Variants in PPIP5K2 observed in about 807,000 individuals in gnomAD.
PPIP5K2 encodes diphosphoinositol pentakisphosphate kinase 2, also known as inositol hexakisphosphate and diphosphoinositol-pentakisphosphate kinase 2.
Under a neutral mutation model 154.6 loss-of-function variants are expected in PPIP5K2, and 105 were observed. That is an observed-to-expected ratio of 0.68 (90% CI 0.58 to 0.80). The LOEUF is 0.80. Ranked by LOEUF, PPIP5K2 falls within the 30% of genes least tolerant of loss-of-function variation. The probability of loss-of-function intolerance (pLI) is 0.00; values close to 1 mark genes in which losing one functional copy is unlikely to be tolerated. For synonymous variants in PPIP5K2, 480 were observed against 490.3 expected, an observed-to-expected ratio of 0.98 and a Z score of 0.28; for missense variants, 992 against 1,504.6, an observed-to-expected ratio of 0.66 and a Z score of 5.64.
intron 19 of PPIP5K2, among the ~76,000 whole-genome samples, 184 bp downstream of exon 19, chr5:103,168,479 T>C (rs1202007581): frequency 6.6e-6 from 1 of 151,918 alleles, no homozygotes; most frequent in Non-Finnish European, 1.5e-5. Flanking sequence ...CATTATTTGA[T>C]TTTCTAATAG....
rs1802975649 is a variant in PPIP5K2 at position 103,201,426 on chromosome 5, CAAG to C, written c.3620-93_3620-91del. 5 of 687,348 alleles carry C rather than the reference CAAG, an allele frequency of 7.3e-6. No individual in the cohort carries two copies. The South Asian group carries it at 9.2e-5, about 13-fold the overall frequency. The allele number at this position is 687,348 out of a possible 1,614,324, so 42.6% of individuals were successfully genotyped here. A position where few individuals can be genotyped will look rare whatever the true frequency, so the allele number is the denominator to read the frequency against. ...CATTTCATTTACATCACAATTATAA[CAAG>C]AATTGTTTTGTCAATCAGCAGTATT... On this transcript the variant is annotated intron_variant, in intron 30 of 30. Transcript: ENST00000358359.
In PPIP5K2 at chr5:103,146,507, C is replaced by G. The variant is rs1793785245; in HGVS notation, c.488-20C>G. On this transcript the variant is annotated intron_variant, in intron 5 of 30. Transcript: ENST00000358359. ...TAATAAGAATATGTGATATTTCTTGCAATCGTGTTTGTTTTATAGAATGTA... is the reference window on the plus strand; with the variant it reads ...TAATAAGAATATGTGATATTTCTTGGAATCGTGTTTGTTTTATAGAATGTA... 1.2e-6 allele frequency: 2 copies of G among 1,601,234 alleles called. No homozygotes were observed. Among genetic ancestry groups the G allele is most frequent in the Admixed American group, 1.7e-5 (1 of 58,780 alleles).
intron 2 of PPIP5K2, among the ~76,000 whole-genome samples, chr5:103,130,614 C>T (rs111341632): frequency 7.2e-5 from 11 of 152,268 alleles, no homozygotes; most frequent in African/African-American, 1.2e-4. Flanking sequence ...AAACCTTCAA[C>T]GCAGAGCACC....
chr5:103,141,729 G>C (rs1792705419), intron 5 of PPIP5K2, among the ~76,000 whole-genome samples: 1 of 152,126 alleles, frequency 6.6e-6, no homozygotes, highest in Admixed American at 6.5e-5. Context: ...AACACAGGGT[G>C]CTGATTGGTG....
rs1294149063 is a variant in PPIP5K2, at chr5:103,209,236, A to G, written c.*7602A>G. The G allele has an allele frequency of 6.6e-6, 1 of 152,174 alleles. No homozygotes were observed. Among genetic ancestry groups the G allele is most frequent in the Non-Finnish European group, 1.5e-5 (1 of 68,030 alleles). 9.4% of individuals were successfully genotyped at this position (152,174 alleles called of 1,614,324 possible). ...TTTTATAGTCAAAGATGTACAAGATAGCTCCTAATGCTCTTTTATGGCTGC... is the reference window on the plus strand; with the variant it reads ...TTTTATAGTCAAAGATGTACAAGATGGCTCCTAATGCTCTTTTATGGCTGC... On this transcript the variant is annotated 3_prime_UTR_variant, in exon 31 of 31. Transcript: ENST00000358359.
intron 1 of PPIP5K2, among the ~76,000 whole-genome samples, chr5:103,123,172 C>T (rs1161825602): frequency 1.3e-5 from 2 of 152,190 alleles, no homozygotes; most frequent in African/African-American, 4.8e-5. Flanking sequence ...CTAACATTTA[C>T]TGAGTGCTTA....
chr5:103,173,659 G>T (rs1323554988), intron 20 of PPIP5K2, among the ~76,000 whole-genome samples, 199 bp from the exon 21 acceptor site: 3 of 151,880 alleles, frequency 2.0e-5, no homozygotes, highest in African/African-American at 7.3e-5. Context: ...TACTCTCAGA[G>T]GTCCTAGTTA....
chr5:103,202,401 A>C lies in PPIP5K2; in HGVS notation c.*767A>C, dbSNP rs543315133. 7 of 152,322 alleles carry C rather than the reference A, an allele frequency of 4.6e-5. No homozygotes were observed. The East Asian group carries it at 1.3e-3, about 29-fold the overall frequency. The allele number at this position is 152,322 out of a possible 1,614,324, so 9.4% of individuals were successfully genotyped here. On this transcript the variant is annotated 3_prime_UTR_variant, in exon 31 of 31. Transcript: ENST00000358359. ...ACCTTCAGAGTTTCTTTTTAAGTAT[A>C]GTTGACAAGTGTATAAATGTTACAC...
In PPIP5K2 at chr5:103,183,270, A is replaced by G. The variant is rs1554223669; in HGVS notation, c.2959A>G (p.Thr987Ala). The G allele has an allele frequency of 6.9e-6, 10 of 1,454,864 alleles. No homozygotes were observed. In the South Asian group the frequency reaches 1.1e-4, roughly 15 times the overall value. 90.1% of individuals were successfully genotyped at this position (1,454,864 alleles called of 1,614,324 possible). ...SPLSVSSPEG[T>A]GTWLHYTSGV... ...CCTGAGTGTGTCTAGCCCAGAGGGT[A>G]CTGGTACCTGGCTGCATTATACCAG... Residue 987 changes from threonine to alanine, a missense_variant, in exon 25 of 31, where the codon ACT (threonine) becomes GCT (alanine). Thr to Ala is a moderately conservative substitution (Grantham distance 58, BLOSUM62 0). This residue lies in a region of PPIP5K2 where 204 missense variants were observed against 224.0 expected (regional missense o/e 0.91). Coordinates refer to ENST00000358359, the MANE Select transcript of PPIP5K2 (RefSeq NM_001276277.3).
intron 21 of PPIP5K2, among the ~76,000 whole-genome samples, chr5:103,174,433 A>G (rs1254290013): frequency 6.6e-6 from 1 of 152,086 alleles, no homozygotes; most frequent in East Asian, 1.9e-4. Context: ...AGGATCAATT[A>G]TGAAGTTTCT....
In PPIP5K2 at chr5:103,129,531, A is replaced by T; in HGVS notation, c.-59A>T. ...AGAATGCTTTCTTCTGATACTATTTACTTAGAGGCAGTTTTAATATAAATC... is the reference window on the plus strand; with the variant it reads ...AGAATGCTTTCTTCTGATACTATTTTCTTAGAGGCAGTTTTAATATAAATC... On this transcript the variant is annotated 5_prime_UTR_variant, in exon 2 of 31. Coordinates refer to ENST00000358359, the MANE Select transcript of PPIP5K2 (RefSeq NM_001276277.3). 7.3e-7 allele frequency: 1 copy of T among 1,369,512 alleles called. No homozygotes were observed. The highest frequency in any genetic ancestry group is 9.8e-7 in the Non-Finnish European group (1 of 1,024,192). 84.8% of individuals were successfully genotyped at this position (1,369,512 alleles called of 1,614,324 possible).
intron 2 of PPIP5K2, among the ~76,000 whole-genome samples, chr5:103,130,502 A>G (rs955369191): frequency 5.3e-5 from 8 of 152,190 alleles, no homozygotes; most frequent in Non-Finnish European, 1.0e-4. Flanking sequence ...CAAACCAAAA[A>G]TATTGATTAG....
At position 103,149,272 on chromosome 5, in the gene PPIP5K2, C is replaced by T. The variant is rs369390587; in HGVS notation, c.865C>T (p.Arg289Ter). The T allele has an allele frequency of 1.4e-5, 23 of 1,613,204 alleles. No homozygotes were observed. The highest frequency in any genetic ancestry group is 4.0e-5 in the African/African-American group (3 of 74,858). Residue 289 changes from arginine to a stop codon, truncating the protein, a stop_gained, in exon 8 of 31, where the codon CGA becomes TGA. Coordinates refer to ENST00000358359, the MANE Select transcript of PPIP5K2 (RefSeq NM_001276277.3). LOFTEE classifies it high-confidence loss of function. ...EVRYPVILNA[R>*]EKLIAWKVCL... Reference sequence around the variant, plus strand: ...AAGATACCCTGTTATTCTCAATGCACGAGAGAAATTAATTGCTTGGAAAGT... The same window carrying T: ...AAGATACCCTGTTATTCTCAATGCATGAGAGAAATTAATTGCTTGGAAAGT...
Position 103,177,732 on chromosome 5 carries a change from C to T in PPIP5K2, c.2595C>T (p.Tyr865=). Residue 865 remains tyrosine, a synonymous_variant, in exon 22 of 31, where the codon TAC becomes TAT. Transcript: ENST00000358359. ...TAAACGTTGTCAATGAGCTCAACTACATGACTCAGATTGTTATCATGCTTT... is the reference window on the plus strand; with the variant it reads ...TAAACGTTGTCAATGAGCTCAACTATATGACTCAGATTGTTATCATGCTTT... ...DYLNVVNELN[Y]MTQIVIMLYE... 1 of 1,612,098 alleles carries T rather than the reference C, an allele frequency of 6.2e-7. No homozygotes were observed. The highest frequency in any genetic ancestry group is 8.5e-7 in the Non-Finnish European group (1 of 1,178,918).
intron 17 of PPIP5K2, 109 bp downstream of exon 17, chr5:103,159,437 T>A (rs1795888013): frequency 1.1e-6 from 1 of 920,608 alleles, no homozygotes; most frequent in Non-Finnish European, 1.5e-6. Context: ...CAAATACACA[T>A]GTTATCATCC....
chr5:103,156,067 A>G (rs1554213265), intron 14 of PPIP5K2, 73 bp downstream of exon 14: 3 of 1,041,064 alleles, frequency 2.9e-6, no homozygotes, highest in Admixed American at 2.0e-5. Flanking sequence ...TTACCTTTGG[A>G]CCATCTTTTG....
intron 5 of PPIP5K2, among the ~76,000 whole-genome samples, chr5:103,139,131 C>G (rs1554205500): frequency 6.6e-6 from 1 of 152,030 alleles, no homozygotes; most frequent in East Asian, 1.9e-4. Flanking sequence ...TCCTTTTTTT[C>G]TGGTTATCTA....
At chr5:103,183,176 CTTTTTTT>C (rs781952635) in intron 24 of PPIP5K2, 51 bp from the exon 25 acceptor site, 42 of 539,140 alleles carry the variant, frequency 7.8e-5, no homozygotes, top group East Asian at 7.0e-4. Flanking sequence ...GCATGCTCTG[CTTTTTTT>C]TTTTTTTTTT....
chr5:103,146,752 G>A, intron 6 of PPIP5K2, 71 bp downstream of exon 6: 3 of 1,293,590 alleles, frequency 2.3e-6, no homozygotes, highest in East Asian at 2.5e-5. Context: ...AAGCAATCAA[G>A]CATTTAATTA....
Sources: allele counts gnomAD v4.1 joint callset (sites outside exome capture counted in the v4.1 genomes callset), GRCh38; gene constraint gnomAD v4.1.1; regional missense constraint gnomAD v4.1.1; transcripts MANE v1.5; gene names NCBI Gene and HGNC (gene_info 2026-07-23, HGNC 2026-07-21).